The following LUZP2 variants were observed in gnomAD, a reference collection of about 807,000 sequenced individuals.
LUZP2 encodes the protein leucine zipper protein 2.
Under a neutral mutation model 51.6 loss-of-function variants are expected in LUZP2, and 52 were observed. The ratio of observed to expected loss-of-function variants is 1.01; its 90% confidence interval spans 0.81 to 1.27. LUZP2 has a LOEUF of 1.27. Ranked by LOEUF, LUZP2 falls within the 50% of genes most tolerant of loss-of-function variation. LUZP2 has a pLI of 0.00. For synonymous variants in LUZP2, 154 were observed against 137.3 expected (o/e 1.12, Z -0.85); for missense variants, 436 against 395.4 (o/e 1.10, Z -0.87).
intron 5 of LUZP2, among the ~76,000 whole-genome samples, chr11:24,836,698 A>G (rs2134190905): frequency 6.6e-6 from 1 of 151,984 alleles, no homozygotes; most frequent in South Asian, 2.1e-4. Flanking sequence ...AAAAATATCA[A>G]GGTTATGAAG....
At chr11:24,895,526 C>T (rs1012492010) in intron 5 of LUZP2, among the ~76,000 whole-genome samples, 5 of 152,116 alleles carry the variant, frequency 3.3e-5, no homozygotes, top group African/African-American at 1.2e-4. Flanking sequence ...ACTCCCCACT[C>T]TTGTAGTCCT....
At chr11:24,793,386 C>G (rs537959636) in intron 5 of LUZP2, among the ~76,000 whole-genome samples, 1 of 152,238 alleles carries the variant, frequency 6.6e-6, no homozygotes, top group African/African-American at 2.4e-5. Flanking sequence ...CTTTCCTTCA[C>G]AAATAAACAC....
intron 6 of LUZP2, among the ~76,000 whole-genome samples, chr11:24,908,764 T>C (rs1489726316): frequency 6.7e-6 from 1 of 149,760 alleles, no homozygotes; most frequent in African/African-American, 2.4e-5. Flanking sequence ...TTTTCTTTTT[T>C]TTTTTTTTTG....
chr11:24,682,936 A>T (rs1293464595), intron 1 of LUZP2, among the ~76,000 whole-genome samples: 3 of 152,062 alleles, frequency 2.0e-5, no homozygotes. Flanking sequence ...CTCAGGAGGC[A>T]GAGGTTGCAG....
chr11:24,831,467 G>C (rs937761183), intron 5 of LUZP2, among the ~76,000 whole-genome samples: 1 of 152,168 alleles, frequency 6.6e-6, no homozygotes, highest in Non-Finnish European at 1.5e-5. Context: ...TGCTTTTAAA[G>C]GAGCTTTGAA....
intron 1 of LUZP2, among the ~76,000 whole-genome samples, chr11:24,617,078 G>T (rs1565031729): frequency 6.6e-6 from 1 of 152,116 alleles, no homozygotes; most frequent in Non-Finnish European, 1.5e-5. Context: ...TCTATCGCTT[G>T]TTAAAACAGA....
At chr11:24,520,083 A>C (rs2133798245) in intron 1 of LUZP2, among the ~76,000 whole-genome samples, 1 of 152,342 alleles carries the variant, frequency 6.6e-6, no homozygotes, top group African/African-American at 2.4e-5. Flanking sequence ...GGCATAATAA[A>C]GCATAAAATC....
intron 5 of LUZP2, among the ~76,000 whole-genome samples, chr11:24,835,389 A>G (rs2716504): frequency 0.16 from 23,872 of 152,162 alleles, 2,086 homozygotes; most frequent in African/African-American, 0.22. Context: ...CATTCAGGAC[A>G]TAGGCATGGG....
At chr11:24,716,617 C>G (rs1244297596) in intron 1 of LUZP2, among the ~76,000 whole-genome samples, 2 of 152,250 alleles carry the variant, frequency 1.3e-5, no homozygotes, top group East Asian at 1.9e-4. Flanking sequence ...CCACTAGAAG[C>G]TGGGGGCGGT....
intron 5 of LUZP2, among the ~76,000 whole-genome samples, chr11:24,764,210 C>T (rs1023738582): frequency 3.9e-5 from 6 of 151,998 alleles, no homozygotes; most frequent in South Asian, 2.1e-4. Context: ...CGTGCGTGGG[C>T]GCGTACACAC....
intron 1 of LUZP2, among the ~76,000 whole-genome samples, chr11:24,689,687 T>C (rs1857008159): frequency 6.6e-6 from 1 of 152,180 alleles, no homozygotes; most frequent in Non-Finnish European, 1.5e-5. Flanking sequence ...GACAGACCTT[T>C]ATCTAACTTT....
Position 24,926,413 on chromosome 11 carries a change from G to GTA in LUZP2, c.522+11883_522+11884dup, listed in dbSNP as rs1221079145. ...TACGTGTGTATATATATATACGTGT[G>GTA]TATATATATGTGTGTATATATATAC... On this transcript the variant is annotated intron_variant, in intron 7 of 11. Coordinates refer to ENST00000336930, the MANE Select transcript of LUZP2 (RefSeq NM_001009909.4). Among the ~76,000 whole-genome samples the GTA allele has an allele frequency of 4.0e-5, 5 of 126,162 alleles. 1 individual carries two copies. The highest frequency in any genetic ancestry group is 1.5e-4 in the African/African-American group (5 of 34,130). The allele number at this position is 126,162 out of a possible 152,430, so 82.8% of individuals were successfully genotyped here. A position where few individuals can be genotyped will look rare whatever the true frequency, so the allele number is the denominator to read the frequency against.
intron 7 of LUZP2, 88 bp from the exon 8 acceptor site, chr11:24,976,503 T>C: frequency 1.4e-6 from 1 of 740,636 alleles, no homozygotes; most frequent in Non-Finnish European, 2.1e-6. Context: ...TCTCTCTTTT[T>C]ACAATTCTTT....
At chr11:24,991,396 G>GTGTATA (rs1398115496) in intron 9 of LUZP2, among the ~76,000 whole-genome samples, 2 of 124,962 alleles carry the variant, frequency 1.6e-5, no homozygotes, top group African/African-American at 5.6e-5. Context: ...GTGTGTGTGT[G>GTGTATA]TATATATATA....
At chr11:24,881,871 T>TATGTG (rs1221250136) in intron 5 of LUZP2, among the ~76,000 whole-genome samples, 1 of 151,796 alleles carries the variant, frequency 6.6e-6, no homozygotes, top group African/African-American at 2.4e-5. Context: ...ACTTGTAAAA[T>TATGTG]ATGTGCATAT....
In LUZP2 at chr11:24,826,114, T is replaced by C. The variant is rs1850524267; in HGVS notation, c.396+62806T>C. ...TGGCGTGAACCCGGGAGACGGAGCT[T>C]GCAGTGAGCCGAGATCGCGCCACTG... On this transcript the variant is annotated intron_variant, in intron 5 of 11. Coordinates refer to ENST00000336930, the MANE Select transcript of LUZP2 (RefSeq NM_001009909.4). 5.6e-5 allele frequency among the ~76,000 whole-genome samples: 8 copies of C among 142,902 alleles called. No homozygotes were observed. In the South Asian group the frequency reaches 1.8e-3, roughly 31 times the overall value. The allele number at this position is 142,902 out of a possible 152,430, so 93.7% of individuals were successfully genotyped here.
intron 10 of LUZP2, among the ~76,000 whole-genome samples, chr11:25,059,084 G>T (rs1420131694): frequency 6.6e-6 from 1 of 151,984 alleles, no homozygotes; most frequent in African/African-American, 2.4e-5. Context: ...CTGGATTTTT[G>T]TATTTGTCAT....
intron 1 of LUZP2, among the ~76,000 whole-genome samples, chr11:24,577,730 C>T (rs1341753686): frequency 6.6e-6 from 1 of 151,966 alleles, no homozygotes; most frequent in Non-Finnish European, 1.5e-5. Context: ...TTCTAATTTA[C>T]CCCCACCCCA....
chr11:24,778,825 T>A (rs1028149103), intron 5 of LUZP2, among the ~76,000 whole-genome samples: 1 of 152,182 alleles, frequency 6.6e-6, no homozygotes, highest in Non-Finnish European at 1.5e-5. Context: ...ATGATCCCCA[T>A]GATTTTTTAA....
Sources: gnomAD v4.1 joint callset for allele counts (sites outside exome capture counted in the v4.1 genomes callset) on GRCh38, gnomAD v4.1.1 for gene constraint, MANE v1.5 for transcripts, NCBI Gene and HGNC (gene_info 2026-07-23, HGNC 2026-07-21) for gene names.